DMD: variants seen among roughly 807,000 people sequenced by gnomAD.
DMD encodes the protein mutant dystrophin.
DMD carries 63 observed loss-of-function variants against 330.1 expected under a neutral mutation model. The ratio of observed to expected loss-of-function variants is 0.19; its 90% CI spans 0.16 to 0.24. DMD has a LOEUF of 0.24. Among genes scored for constraint, DMD ranks in the 10% least tolerant of loss-of-function variants. The pLI is 1.00. For synonymous variants in DMD, 1,223 were observed against 959.8 expected (o/e 1.27, Z -5.07); for missense variants, 3,344 against 2,684.1 (o/e 1.25, Z -5.43).
intron 44 of DMD, among the ~76,000 whole-genome samples, chrX:32,195,777 G>T (rs1314283164): frequency 1.8e-5 from 2 of 111,560 alleles, no homozygotes; most frequent in East Asian, 5.7e-4. Context: ...GTTTCAAGAA[G>T]AAAGGGAGTA....
intron 7 of DMD, among the ~76,000 whole-genome samples, chrX:32,793,414 TAGA>T (rs1247859078): frequency 9.2e-6 from 1 of 109,218 alleles, no homozygotes; most frequent in Non-Finnish European, 1.9e-5. Context: ...CCAGAATTAG[TAGA>T]AGGATGAAAA....
At chrX:32,467,694 CA>C (rs2040186770) in intron 23 of DMD, among the ~76,000 whole-genome samples, 3 of 104,388 alleles carry the variant, frequency 2.9e-5, no homozygotes, top group African/African-American at 1.1e-4. Context: ...TATATATATA[CA>C]TATATATATG....
At chrX:32,883,282 G>A (rs1603456586) in intron 2 of DMD, among the ~76,000 whole-genome samples, 1 of 111,760 alleles carries the variant, frequency 8.9e-6, no homozygotes, top group East Asian at 2.8e-4. Flanking sequence ...TTCAGGCACT[G>A]AACGGCAATT....
chrX:31,396,137 ATT>A (rs773913224), intron 60 of DMD, among the ~76,000 whole-genome samples: 3 of 90,004 alleles, frequency 3.3e-5, no homozygotes, highest in Non-Finnish European at 2.1e-5. Flanking sequence ...AAAGATGACA[ATT>A]TTTTTTTTTT....
intron 47 of DMD, among the ~76,000 whole-genome samples, chrX:31,899,522 G>A (rs1265165862): frequency 4.5e-5 from 5 of 111,113 alleles, no homozygotes; most frequent in South Asian, 7.5e-4. Context: ...AAATAATAAC[G>A]TAGAAACAAA....
chrX:32,985,907 T>A (rs2147262998), intron 2 of DMD, among the ~76,000 whole-genome samples: 1 of 111,983 alleles, frequency 8.9e-6, no homozygotes, highest in South Asian at 3.8e-4. Context: ...TGCTTTTCAT[T>A]GTGGGGGTTG....
intron 12 of DMD, among the ~76,000 whole-genome samples, chrX:32,609,527 T>C (rs2056996346): frequency 9.0e-6 from 1 of 111,118 alleles, no homozygotes; most frequent in Non-Finnish European, 1.9e-5. Flanking sequence ...TGAGGGTTTG[T>C]TCAGTGATAT....
chrX:31,672,008 A>T (rs1215140257), intron 53 of DMD, among the ~76,000 whole-genome samples: 1 of 111,297 alleles, frequency 9.0e-6, no homozygotes, highest in Non-Finnish European at 1.9e-5. Context: ...CTGATTTCAG[A>T]TCTTTTTCCT....
chrX:33,070,667 CTCTCTCTATATA>C (rs1369487521), intron 1 of DMD, among the ~76,000 whole-genome samples: 19 of 46,116 alleles, frequency 4.1e-4, no homozygotes, highest in African/African-American at 7.3e-4. Context: ...CTCTCTCTCT[CTCTCTCTATATA>C]TATATATATA....
intron 43 of DMD, among the ~76,000 whole-genome samples, chrX:32,265,927 T>G (rs1160345681): frequency 8.9e-6 from 1 of 111,785 alleles, no homozygotes; most frequent in Non-Finnish European, 1.9e-5. Context: ...GGACTTGGAC[T>G]CCTGGGTTAA....
chrX:32,897,892 T>C (rs772923001), intron 2 of DMD, among the ~76,000 whole-genome samples: 159 of 112,006 alleles, frequency 1.4e-3, no homozygotes, highest in Non-Finnish European at 2.0e-3. Context: ...CATAGTATTC[T>C]GCCAAAATAA....
chrX:33,096,475 G>T (rs1161235685), intron 1 of DMD, among the ~76,000 whole-genome samples: 1 of 109,364 alleles, frequency 9.1e-6, no homozygotes, highest in Non-Finnish European at 1.9e-5. Context: ...CGATCTGTTT[G>T]AAGCCATGCT....
intron 9 of DMD, among the ~76,000 whole-genome samples, chrX:32,695,918 G>A (rs1446753040): frequency 8.9e-6 from 1 of 111,907 alleles, no homozygotes; most frequent in African/African-American, 3.2e-5. Context: ...TGAGTGTAGA[G>A]GCTGAGAAAA....
At chrX:32,268,049 TG>T in intron 43 of DMD, among the ~76,000 whole-genome samples, 1 of 112,015 alleles carries the variant, frequency 8.9e-6, no homozygotes, top group African/African-American at 3.2e-5. Context: ...CAAAAGCTGA[TG>T]GTGAATCAGG....
At chrX:32,694,451 T>C (rs181504506) in intron 9 of DMD, among the ~76,000 whole-genome samples, 2 of 111,571 alleles carry the variant, frequency 1.8e-5, no homozygotes, top group Non-Finnish European at 1.9e-5. Flanking sequence ...GCAACTCTAT[T>C]TGGCCAGTTG....
chrX:32,594,004 T>A (rs1158253552), intron 13 of DMD, among the ~76,000 whole-genome samples: 1 of 112,374 alleles, frequency 8.9e-6, no homozygotes, highest in African/African-American at 3.2e-5. Context: ...TCATAAGCTA[T>A]GTCATCTTTC....
intron 55 of DMD, among the ~76,000 whole-genome samples, chrX:31,571,206 A>T (rs1302296446): frequency 2.7e-5 from 3 of 110,085 alleles, no homozygotes; most frequent in African/African-American, 9.9e-5. Flanking sequence ...TTCTCTGACA[A>T]AAGGGTAAAA....
Position 32,048,188 on chromosome X carries a change from A to C in DMD, c.6439-79674T>G, listed in dbSNP as rs748961536. ...ATTTACTCCTCACAATGAACCTATT[A>C]AGTAGATGTCCTTGTGCCTATTTTA... On this transcript the variant is annotated intron_variant, in intron 44 of 78. Coordinates refer to ENST00000357033, the MANE Select transcript of DMD (RefSeq NM_004006.3). 7.9e-5 allele frequency among the ~76,000 whole-genome samples: 8 copies of C among 101,248 alleles called. No homozygotes were observed. The South Asian group carries it at 4.0e-3, about 51-fold the overall frequency. 87.9% of individuals were successfully genotyped at this position (101,248 alleles called of 115,157 possible).
At chrX:32,634,675 G>A (rs1403096401) in intron 11 of DMD, among the ~76,000 whole-genome samples, 1 of 111,771 alleles carries the variant, frequency 8.9e-6, no homozygotes, top group Non-Finnish European at 1.9e-5. Context: ...ACTCTGCCTG[G>A]TGCCCTATCC....
Sources: allele counts gnomAD v4.1 joint callset (sites outside exome capture counted in the v4.1 genomes callset), GRCh38; gene constraint gnomAD v4.1.1; transcripts MANE v1.5; gene names NCBI Gene and HGNC (gene_info 2026-07-23, HGNC 2026-07-21).